ABCB1: variants seen among roughly 807,000 people sequenced by gnomAD.
ABCB1 encodes the protein ATP-dependent translocase ABCB1.
A neutral mutation model predicts 142.0 loss-of-function variants in ABCB1; 69 were observed. That is an observed-to-expected ratio of 0.49 (90% CI 0.40 to 0.59). The LOEUF (loss-of-function observed/expected upper bound fraction) is 0.59, where lower values mean the gene tolerates loss of function less well. Among genes scored for constraint, ABCB1 ranks in the 20% least tolerant of loss-of-function variants. ABCB1 has a pLI of 0.00. For missense variants in ABCB1, 1,326 were observed against 1,554.7 expected, an observed-to-expected ratio of 0.85 and a Z score of 2.47; for synonymous variants, 532 against 539.2, an observed-to-expected ratio of 0.99 and a Z score of 0.18.
chr7:87,688,706 G>A (rs1243550535), intron 1 of ABCB1, among the ~76,000 whole-genome samples: 1 of 151,608 alleles, frequency 6.6e-6, no homozygotes, highest in Non-Finnish European at 1.5e-5. Flanking sequence ...ATTTTTCTTA[G>A]TTCTGTAATG....
At chr7:87,561,506 C>A in intron 7 of ABCB1, 119 bp from the exon 8 acceptor site, 1 of 1,003,056 alleles carries the variant, frequency 1.0e-6, no homozygotes. Context: ...AGAGCAAAAT[C>A]TGTCTTTTAC....
intron 1 of ABCB1, among the ~76,000 whole-genome samples, chr7:87,618,924 A>G (rs539223554): frequency 1.3e-5 from 2 of 152,258 alleles, no homozygotes; most frequent in East Asian, 1.9e-4. Context: ...TACAACTACA[A>G]TGGGATTCTA....
chr7:87,703,924 T>A, intron 1 of ABCB1, among the ~76,000 whole-genome samples: 1 of 112,276 alleles, frequency 8.9e-6, no homozygotes. Flanking sequence ...GTTTTTTTTT[T>A]TTTTTTTTTT....
chr7:87,701,549 G>T (rs957559688), intron 1 of ABCB1, among the ~76,000 whole-genome samples: 4 of 152,154 alleles, frequency 2.6e-5, no homozygotes, highest in South Asian at 2.1e-4. Context: ...AATCATGTAT[G>T]GGTAAAAAGA....
At chr7:87,710,648 A>G in intron 1 of ABCB1, 1 of 1,574,768 alleles carries the variant, frequency 6.4e-7, no homozygotes, top group Non-Finnish European at 8.7e-7. Flanking sequence ...AGACTTCAAA[A>G]CAACCAGGTT....
intron 1 of ABCB1, among the ~76,000 whole-genome samples, chr7:87,669,725 G>A (rs1310112616): frequency 2.6e-5 from 4 of 152,094 alleles, no homozygotes; most frequent in African/African-American, 9.7e-5. Flanking sequence ...TCCTTCACTT[G>A]GGAAGCTCAC....
intron 1 of ABCB1, among the ~76,000 whole-genome samples, chr7:87,712,289 T>C (rs1022744558): frequency 3.3e-5 from 5 of 152,108 alleles, no homozygotes; most frequent in African/African-American, 1.2e-4. Context: ...GAGATGATGA[T>C]AAAACCTTAG....
At chr7:87,595,727 T>C in intron 3 of ABCB1, 39 bp downstream of exon 3, 3 of 1,497,246 alleles carry the variant, frequency 2.0e-6, no homozygotes, top group Non-Finnish European at 2.8e-6. Flanking sequence ...ATGTCAAATT[T>C]CCGAAGTATT....
chr7:87,668,516 C>T (rs1231610744), intron 1 of ABCB1, among the ~76,000 whole-genome samples: 6 of 151,420 alleles, frequency 4.0e-5, no homozygotes, highest in East Asian at 1.9e-4. Context: ...TCTTGTCTTC[C>T]GCTAGTATTG....
Position 87,676,395 on chromosome 7 carries a change from A to G in ABCB1, c.-331+36766T>C, listed in dbSNP as rs79659332. ...TCAGTAGAAAACAACAACAACAACA[A>G]CAACATTAAAAAATGGGCAAAGAGG... On this transcript the variant is annotated intron_variant, in intron 1 of 28. Coordinates refer to the ABCB1 transcript ENST00000265724. 7.9e-5 allele frequency among the ~76,000 whole-genome samples: 12 copies of G among 152,212 alleles called. No homozygotes were observed. In the East Asian group the frequency reaches 2.1e-3, roughly 27 times the overall value.
At chr7:87,694,044 G>C (rs1828267122) in intron 1 of ABCB1, 1 of 1,570,966 alleles carries the variant, frequency 6.4e-7, no homozygotes, top group African/African-American at 1.4e-5. Flanking sequence ...TCAGTTAAGT[G>C]ATCTTTTTTA....
At chr7:87,636,819 T>C (rs1368609008) in intron 1 of ABCB1, among the ~76,000 whole-genome samples, 3 of 152,216 alleles carry the variant, frequency 2.0e-5, no homozygotes, top group Non-Finnish European at 4.4e-5. Context: ...TCTGTTCTCA[T>C]GCTGCTATGA....
intron 25 of ABCB1, among the ~76,000 whole-genome samples, chr7:87,511,345 G>A (rs757594443): frequency 1.1e-4 from 17 of 152,086 alleles, no homozygotes; most frequent in Admixed American, 5.2e-4. Flanking sequence ...ATATAACTAG[G>A]AAAGTAAACC....
Position 87,519,418 on chromosome 7 carries a change from G to C in ABCB1, c.2835C>G (p.Thr945=), listed in dbSNP as rs758528897. 8.1e-6 allele frequency: 13 copies of C among 1,614,044 alleles called. No homozygotes were observed. Among genetic ancestry groups the C allele is most frequent in the Non-Finnish European group, 1.1e-5 (13 of 1,179,944 alleles). Residue 945 remains threonine (T), a synonymous_variant, in exon 23 of 28, where the codon ACC becomes ACG. Transcript: ENST00000622132. ...CATAGGAAAAATACATCATTGCCTG[G>C]GTGAAGGAAAATGTAATTCCAAAGA... The part of the protein sequence containing the change: ...AHIFGITFSF[T]QAMMYFSYAG...
intron 4 of ABCB1, among the ~76,000 whole-genome samples, chr7:87,575,595 G>C (rs1818240686): frequency 6.6e-6 from 1 of 151,458 alleles, no homozygotes; most frequent in South Asian, 2.1e-4. Context: ...TACTCTTCTT[G>C]TGCAGAAAGC....
intron 25 of ABCB1, among the ~76,000 whole-genome samples, chr7:87,512,850 C>T (rs1218765616): frequency 6.6e-6 from 1 of 152,228 alleles, no homozygotes; most frequent in Non-Finnish European, 1.5e-5. Context: ...ACTTTGTTTT[C>T]AGTGCATTAT....
chr7:87,635,208 T>C (rs1821639691), intron 1 of ABCB1, among the ~76,000 whole-genome samples: 2 of 152,126 alleles, frequency 1.3e-5, no homozygotes, highest in Admixed American at 1.3e-4. Context: ...TCAGAGAGAA[T>C]TGGGTATGTA....
chr7:87,681,891 T>C (rs1021747579), intron 1 of ABCB1, among the ~76,000 whole-genome samples: 1 of 152,208 alleles, frequency 6.6e-6, no homozygotes, highest in African/African-American at 2.4e-5. Flanking sequence ...GGACTCTTCC[T>C]TTCATGAAAG....
chr7:87,563,158 A>G (rs761717293), intron 7 of ABCB1, among the ~76,000 whole-genome samples: 12 of 152,208 alleles, frequency 7.9e-5, no homozygotes, highest in Non-Finnish European at 1.6e-4. Context: ...TCTGAAATTG[A>G]GGCAGTAATA....
Sources: allele counts gnomAD v4.1 joint callset (sites outside exome capture counted in the v4.1 genomes callset), GRCh38; gene constraint gnomAD v4.1.1; transcripts MANE v1.5; gene names NCBI Gene and HGNC (gene_info 2026-07-23, HGNC 2026-07-21).